TBX21: variants seen among roughly 807,000 people sequenced by gnomAD.
TBX21 encodes the protein T-box transcription factor TBX21.
A neutral mutation model predicts 52.2 loss-of-function variants in TBX21; 11 were observed. The observed-to-expected ratio is 0.21, with a 90% CI of 0.13 to 0.35. The LOEUF is 0.35. Among genes scored for constraint, TBX21 ranks in the 10% least tolerant of loss-of-function variants. TBX21 has a pLI of 1.00. For synonymous variants in TBX21, 300 were observed against 316.1 expected (o/e 0.95, Z 0.54); for missense variants, 625 against 755.1 (o/e 0.83, Z 2.02).
rs80015439 is a variant in TBX21, at chr17:47,745,324, T to C, written c.1566T>C (p.Asp522=). ...SSPAGAPSPF[D]KEAEGQFYNY... Reference sequence around the variant, plus strand: ...CTGCTGGGGCCCCTTCTCCTTTTGATAAGGAAGCTGAAGGACAGTTTTATA... The same window carrying C: ...CTGCTGGGGCCCCTTCTCCTTTTGACAAGGAAGCTGAAGGACAGTTTTATA... Residue 522 remains aspartate (D), a synonymous_variant, in exon 6 of 6, where the codon GAT becomes GAC. Transcript: ENST00000177694. 26 of 1,610,032 alleles carry C rather than the reference T, an allele frequency of 1.6e-5. No homozygotes were observed. In the African/African-American group the frequency reaches 3.3e-4, roughly 21 times the overall value.
chr17:47,742,712 G>A lies in TBX21; in HGVS notation c.594G>A (p.Arg198=). The change falls in exon 2 of 6, where the codon CGG becomes CGA. Residue 198 remains arginine (R), a synonymous_variant. Coordinates refer to ENST00000177694, the MANE Select transcript of TBX21 (RefSeq NM_013351.2). The surrounding 1 kb of genome is among the most constrained non-coding windows in gnomAD (Gnocchi z 4.4). ...DVVLVDQHHW[R]YQSGKWVQCG... ...TCTTGGTGGACCAGCACCACTGGCGGTACCAGAGCGGCAAGTGGGTGCAGT... is the reference window on the plus strand; with the variant it reads ...TCTTGGTGGACCAGCACCACTGGCGATACCAGAGCGGCAAGTGGGTGCAGT... The A allele has an allele frequency of 6.3e-7, 1 of 1,589,702 alleles. No homozygotes were observed. Among genetic ancestry groups the A allele is most frequent in the South Asian group, 1.1e-5 (1 of 87,186 alleles).
intron 1 of TBX21, among the ~76,000 whole-genome samples, chr17:47,737,403 T>C (rs1194886411): frequency 6.6e-6 from 1 of 152,184 alleles, no homozygotes; most frequent in African/African-American, 2.4e-5. Flanking sequence ...CTGTGTTGTG[T>C]TAAGCTCAAT....
At position 47,733,409 on chromosome 17, in the gene TBX21, AGGGGC is replaced by A. The variant is rs1299474045; in HGVS notation, c.-42_-38del. Reference sequence around the variant, plus strand: ...GCCCACGCGACCCTCTCGCGCGCGGAGGGGCGGGTCCTCGACGGCTACGGGAAGGT... The same window carrying A: ...GCCCACGCGACCCTCTCGCGCGCGGAGGGTCCTCGACGGCTACGGGAAGGT... On this transcript the variant is annotated 5_prime_UTR_variant, in exon 1 of 6. Coordinates refer to ENST00000177694, the MANE Select transcript of TBX21 (RefSeq NM_013351.2). The surrounding 1 kb of genome is among the most constrained non-coding windows in gnomAD (Gnocchi z 6.6). 1 of 1,433,688 alleles carries A rather than the reference AGGGGC, an allele frequency of 7.0e-7. No individual in the cohort carries two copies. The highest frequency in any genetic ancestry group is 9.1e-7 in the Non-Finnish European group (1 of 1,100,442). 88.8% of individuals were successfully genotyped at this position (1,433,688 alleles called of 1,614,324 possible). A position where few individuals can be genotyped will look rare whatever the true frequency, so the allele number is the denominator to read the frequency against.
chr17:47,743,215 T>G (rs1305592013), intron 3 of TBX21, 23 bp downstream of exon 3: 1 of 1,612,854 alleles, frequency 6.2e-7, no homozygotes, highest in Admixed American at 1.7e-5. Context: ...CTTCAAAAGG[T>G]AGCCTCGCCC....
Position 47,744,757 on chromosome 17 carries a change from A to G in TBX21, c.999A>G (p.Thr333=). The change falls in exon 6 of 6, where the codon ACA becomes ACG. Residue 333 remains threonine (T), a synonymous_variant. Coordinates refer to ENST00000177694, the MANE Select transcript of TBX21 (RefSeq NM_013351.2). ...GFRENFESMY[T]SVDTSIPSPP... is the part of the protein sequence containing the mutation. ...TTCTATTTTTTTCTAGCATGTACACATCTGTTGACACCAGCATCCCCTCCC... is the reference window on the plus strand; with the variant it reads ...TTCTATTTTTTTCTAGCATGTACACGTCTGTTGACACCAGCATCCCCTCCC... 1 of 1,613,296 alleles carries G rather than the reference A, an allele frequency of 6.2e-7. No individual in the cohort carries two copies.
intron 1 of TBX21, among the ~76,000 whole-genome samples, chr17:47,739,984 A>G (rs1597984079): frequency 1.3e-5 from 2 of 152,156 alleles, no homozygotes; most frequent in East Asian, 3.9e-4. Flanking sequence ...AGAAGACCTC[A>G]CCTCTGCTCT....
At position 47,735,906 on chromosome 17, in the gene TBX21, G is replaced by GGCCTCTGCCTC. The variant is rs1217679569; in HGVS notation, c.491+1962_491+1972dup. Reference sequence around the variant, plus strand: ...TGGGGTCTCCCCACAGCCTCTGCCAGGCCTCTGCCTCCTCCTGCCAGTCTT... The same window carrying GGCCTCTGCCTC: ...TGGGGTCTCCCCACAGCCTCTGCCAGGCCTCTGCCTCGCCTCTGCCTCCTCCTGCCAGTCTT... On this transcript the variant is annotated intron_variant, in intron 1 of 5. Transcript: ENST00000177694. 2.0e-5 allele frequency among the ~76,000 whole-genome samples: 3 copies of GGCCTCTGCCTC among 152,326 alleles called. No individual in the cohort carries two copies. In the East Asian group the frequency reaches 5.8e-4, roughly 29 times the overall value.
In TBX21 at chr17:47,745,948, A is replaced by T. The variant is rs979886338; in HGVS notation, c.*582A>T. On this transcript the variant is annotated 3_prime_UTR_variant, in exon 6 of 6. Coordinates refer to ENST00000177694, the MANE Select transcript of TBX21 (RefSeq NM_013351.2). ...GGGGCTGGAAAGGGGGGAATGGCCC[A>T]CATCTCAAGAAGCAAGATATTGTTT... The T allele has an allele frequency of 1.2e-4, 18 of 152,384 alleles. No homozygotes were observed. The highest frequency in any genetic ancestry group is 4.3e-4 in the African/African-American group (18 of 41,436). 9.4% of individuals were successfully genotyped at this position (152,384 alleles called of 1,614,324 possible). A position where few individuals can be genotyped will look rare whatever the true frequency, so the allele number is the denominator to read the frequency against.
rs1489982766 is a variant in TBX21 at position 47,745,259 on chromosome 17, C to T, written c.1501C>T (p.Arg501Cys). ...GLGEGDSKRR[R>C]VSPYPSSGDS... ...GGGCGAAGGAGACTCTAAGAGGAGG[C>T]GCGTGTCCCCCTATCCTTCCAGTGG... Residue 501 changes from arginine (R) to cysteine (C), a missense_variant, in exon 6 of 6, where the codon CGC becomes TGC. Arg to Cys is a radical substitution (Grantham distance 180). This residue lies in a region of TBX21 where 261 missense variants were observed against 275.1 expected (regional missense o/e 0.95). Coordinates refer to ENST00000177694, the MANE Select transcript of TBX21 (RefSeq NM_013351.2). The T allele has an allele frequency of 1.9e-6, 3 of 1,614,130 alleles. No homozygotes were observed. The highest frequency in any genetic ancestry group is 1.1e-5 in the South Asian group (1 of 91,090).
chr17:47,742,556 C>G lies in TBX21; in HGVS notation c.492-54C>G. 1 of 1,526,462 alleles carries G rather than the reference C, an allele frequency of 6.6e-7. No individual in the cohort carries two copies. The highest frequency in any genetic ancestry group is 8.8e-7 in the Non-Finnish European group (1 of 1,132,314). The allele number at this position is 1,526,462 out of a possible 1,614,324, so 94.6% of individuals were successfully genotyped here. On this transcript the variant is annotated intron_variant, in intron 1 of 5. Transcript: ENST00000177694. This position sits in a 1 kb window ranked among gnomAD's most constrained non-coding sequence, Gnocchi z 4.4. ...TGCCTGGGCACTGTTGCAGGGGGGA[C>G]TGGCTGTCAAGCTGGAGCTGATGGG...
rs1366154643 is a variant in TBX21, at chr17:47,734,818, T to C, written c.491+873T>C. 3.3e-5 allele frequency among the ~76,000 whole-genome samples: 5 copies of C among 151,920 alleles called. No homozygotes were observed. The East Asian group carries it at 5.8e-4, about 18-fold the overall frequency. On this transcript the variant is annotated intron_variant, in intron 1 of 5. Transcript: ENST00000177694. Reference sequence around the variant, plus strand: ...TGTCCAGAAATTCACCGGTTCAGCCTGGAGAAGTGGGGAAGGGGTGTCCCA... The same window carrying C: ...TGTCCAGAAATTCACCGGTTCAGCCCGGAGAAGTGGGGAAGGGGTGTCCCA...
intron 1 of TBX21, among the ~76,000 whole-genome samples, chr17:47,737,242 G>A (rs1312971253): frequency 1.3e-5 from 2 of 152,114 alleles, no homozygotes; most frequent in East Asian, 3.8e-4. Flanking sequence ...GAATGTGTTG[G>A]CGAGTATATA....
At chr17:47,741,965 T>C (rs1474910357) in intron 1 of TBX21, among the ~76,000 whole-genome samples, 1 of 152,132 alleles carries the variant, frequency 6.6e-6, no homozygotes, top group Non-Finnish European at 1.5e-5. Context: ...TGCACTGTGA[T>C]TTAGTACCTC....
rs1405538070 is a variant in TBX21, at chr17:47,733,319, C to T, written c.-136C>T. On this transcript the variant is annotated 5_prime_UTR_variant, in exon 1 of 6. Coordinates refer to ENST00000177694, the MANE Select transcript of TBX21 (RefSeq NM_013351.2). This position sits in a 1 kb window ranked among gnomAD's most constrained non-coding sequence, Gnocchi z 6.6. The stretch of plus-strand genomic sequence containing the variant: ...GGCGTAGAAGCCAGGCGTCAGAGCC[C>T]GGGCTCCGGTGGGGTCCCCCACCCG... 1.5e-5 allele frequency: 19 copies of T among 1,230,764 alleles called. No individual in the cohort carries two copies. Among genetic ancestry groups the T allele is most frequent in the African/African-American group, 1.3e-4 (8 of 62,736 alleles). 76.2% of individuals were successfully genotyped at this position (1,230,764 alleles called of 1,614,324 possible).
Position 47,742,837 on chromosome 17 carries a change from C to T in TBX21, c.646+73C>T. On this transcript the variant is annotated intron_variant, in intron 2 of 5. Transcript: ENST00000177694. This position sits in a 1 kb window ranked among gnomAD's most constrained non-coding sequence, Gnocchi z 4.4. ...CGCCCCCTGGTGGGCCCACCAAGCC[C>T]CTACCCCTAATTCCTAGACCTTTAA... The T allele has an allele frequency of 1.3e-6, 2 of 1,497,580 alleles. No individual in the cohort carries two copies. Among genetic ancestry groups the T allele is most frequent in the Non-Finnish European group, 1.8e-6 (2 of 1,122,384 alleles). The allele number at this position is 1,497,580 out of a possible 1,614,324, so 92.8% of individuals were successfully genotyped here. A position where few individuals can be genotyped will look rare whatever the true frequency, so the allele number is the denominator to read the frequency against.
rs757830834 is a variant in TBX21, at chr17:47,745,370, G to T, written c.*4G>T. On this transcript the variant is annotated 3_prime_UTR_variant, in exon 6 of 6. Transcript: ENST00000177694. The stretch of plus-strand genomic sequence containing the variant: ...TTATAACTATTTTCCCAACTGAGCA[G>T]ATGACATGATGAAAGGAACAGAAAC... 1.9e-6 allele frequency: 3 copies of T among 1,581,052 alleles called. No individual in the cohort carries two copies. In the Admixed American group the frequency reaches 5.5e-5, roughly 29 times the overall value.
Position 47,742,463 on chromosome 17 carries a change from C to G in TBX21, c.492-147C>G. The G allele has an allele frequency of 4.5e-6, 4 of 896,352 alleles. No homozygotes were observed. 55.5% of individuals were successfully genotyped at this position (896,352 alleles called of 1,614,324 possible). ...ATGGCTGTGTTTAACCACTGGCTGG[C>G]AAACTCCCTAAACACCTTCCAGCTG... On this transcript the variant is annotated intron_variant, in intron 1 of 5. Coordinates refer to ENST00000177694, the MANE Select transcript of TBX21 (RefSeq NM_013351.2). This position sits in a 1 kb window ranked among gnomAD's most constrained non-coding sequence, Gnocchi z 4.4.
Position 47,733,913 on chromosome 17 carries a change from CCAGA to C in TBX21, c.464_467del (p.Thr155ArgfsTer2). 1 of 1,613,702 alleles carries C rather than the reference CCAGA, an allele frequency of 6.2e-7. No individual in the cohort carries two copies. The highest frequency in any genetic ancestry group is 8.5e-7 in the Non-Finnish European group (1 of 1,179,862). On this transcript the variant is annotated frameshift_variant, in exon 1 of 6. Transcript: ENST00000177694. LOFTEE classifies it high-confidence loss of function. The surrounding 1 kb of genome is among the most constrained non-coding windows in gnomAD (Gnocchi z 6.6). Reference sequence around the variant, plus strand: ...TGTTGTGGTCCAAGTTTAATCAGCACCAGACAGAGATGATCATCACCAAGCAGGG... The same window carrying C: ...TGTTGTGGTCCAAGTTTAATCAGCACCAGAGATGATCATCACCAAGCAGGG...
At position 47,737,630 on chromosome 17, in the gene TBX21, C is replaced by CT. The variant is rs767560904; in HGVS notation, c.491+3698dup. Among the ~76,000 whole-genome samples the CT allele has an allele frequency of 3.9e-3, 562 of 145,610 alleles. 5 individuals are homozygous for CT. The East Asian group carries it at 0.04, about 10-fold the overall frequency. On this transcript the variant is annotated intron_variant, in intron 1 of 5. Transcript: ENST00000177694. ...AACTTTAGTCGATAACTTTCTACAT[C>CT]TTTTTTTTTTTTTGAGATGGAGTCT...
Sources: allele counts gnomAD v4.1 joint callset (sites outside exome capture counted in the v4.1 genomes callset), GRCh38; gene constraint gnomAD v4.1.1; regional missense constraint gnomAD v4.1.1; non-coding constraint Gnocchi (gnomAD v3.1); transcripts MANE v1.5; gene names NCBI Gene and HGNC (gene_info 2026-07-23, HGNC 2026-07-21).